The following RALYL variants were observed in gnomAD, a reference collection of about 807,000 sequenced individuals.
RALYL encodes the protein RALY RNA binding protein like.
RALYL carries 29 observed loss-of-function variants against 35.1 expected under a neutral mutation model. The observed-to-expected ratio is 0.83, with a 90% CI of 0.61 to 1.13. The LOEUF is 1.13. Ranked by LOEUF, RALYL falls within the 50% of genes most tolerant of loss-of-function variation. The pLI is 0.00. For missense variants in RALYL, 359 were observed against 360.4 expected (o/e 1.00, Z 0.03); for synonymous variants, 120 against 127.6 (o/e 0.94, Z 0.40).
chr8:84,808,876 A>G (rs369789481), intron 4 of RALYL, among the ~76,000 whole-genome samples: 1 of 152,150 alleles, frequency 6.6e-6, no homozygotes, highest in Admixed American at 6.5e-5. Context: ...ACTTTGCTGA[A>G]TTCTTTTATC....
At chr8:84,736,849 G>A (rs964309350) in intron 2 of RALYL, among the ~76,000 whole-genome samples, 2 of 151,920 alleles carry the variant, frequency 1.3e-5, no homozygotes, top group African/African-American at 2.4e-5. Flanking sequence ...TAGATATTAT[G>A]TTACCCCTTC....
At chr8:84,254,372 T>C (rs906524020) in intron 1 of RALYL, among the ~76,000 whole-genome samples, 1 of 152,120 alleles carries the variant, frequency 6.6e-6, no homozygotes, top group East Asian at 1.9e-4. Context: ...CCTCAAATAA[T>C]GTAGTCAGAG....
At chr8:84,704,491 A>T (rs530442808) in intron 2 of RALYL, among the ~76,000 whole-genome samples, 60 of 149,774 alleles carry the variant, frequency 4.0e-4, no homozygotes, top group African/African-American at 1.4e-3. Flanking sequence ...ACAACAACTC[A>T]TTTATTCCAC....
chr8:84,406,772 T>C (rs17723269), intron 1 of RALYL, among the ~76,000 whole-genome samples: 2,066 of 152,122 alleles, frequency 0.014, 17 homozygotes, highest in Middle Eastern at 0.034. Context: ...TTAAGGAACC[T>C]CATGCATTCA....
At chr8:84,897,087 CTATT>C (rs1305775702) in intron 8 of RALYL, among the ~76,000 whole-genome samples, 1 of 152,182 alleles carries the variant, frequency 6.6e-6, no homozygotes, top group Admixed American at 6.5e-5. Context: ...CTTGAACAAA[CTATT>C]TAACTTCTTT....
Position 84,333,826 on chromosome 8 carries a change from T to A in RALYL, c.-24+149402T>A, listed in dbSNP as rs185824298. Among the ~76,000 whole-genome samples, 1,262 of 152,222 alleles carry A rather than the reference T, an allele frequency of 8.3e-3. 22 individuals are homozygous for A. Among genetic ancestry groups the A allele is most frequent in the African/African-American group, 0.029 (1,211 of 41,532 alleles). On this transcript the variant is annotated intron_variant, in intron 1 of 8. Transcript: ENST00000521268. ...TACCTCAATAGTAAATTAATTAATT[T>A]ATTTATTTTAGAATTTGAACAGCAG...
chr8:84,185,288 CTT>C (rs1053003901), intron 1 of RALYL: 4 of 506,090 alleles, frequency 7.9e-6, no homozygotes, highest in Non-Finnish European at 1.4e-5. Flanking sequence ...AGTTTTCCCT[CTT>C]TTTAACCACC....
chr8:84,429,334 C>T (rs1169641366), intron 1 of RALYL, among the ~76,000 whole-genome samples: 1 of 152,094 alleles, frequency 6.6e-6, no homozygotes, highest in African/African-American at 2.4e-5. Flanking sequence ...CAATGAAGAA[C>T]TGGTTTAGTG....
chr8:84,302,705 G>A (rs534302145), intron 1 of RALYL, among the ~76,000 whole-genome samples: 100 of 152,258 alleles, frequency 6.6e-4, no homozygotes, highest in African/African-American at 2.1e-3. Flanking sequence ...AGATACCTGC[G>A]CAGCATTTTG....
intron 1 of RALYL, among the ~76,000 whole-genome samples, chr8:84,372,273 G>T (rs1022993647): frequency 6.6e-6 from 1 of 152,002 alleles, no homozygotes; most frequent in South Asian, 2.1e-4. Flanking sequence ...AGAAAAAAGG[G>T]CAGGTATTTG....
intron 1 of RALYL, among the ~76,000 whole-genome samples, chr8:84,237,767 C>G (rs1826911920): frequency 6.6e-6 from 1 of 151,912 alleles, no homozygotes; most frequent in Non-Finnish European, 1.5e-5. Context: ...ACCCACAACT[C>G]AGAAGAAATA....
At chr8:84,626,357 T>C (rs1037801531) in intron 2 of RALYL, among the ~76,000 whole-genome samples, 2 of 152,212 alleles carry the variant, frequency 1.3e-5, no homozygotes. Context: ...AAATTCTGAA[T>C]GTCTAAAGAC....
chr8:84,307,890 A>G lies in RALYL; in HGVS notation c.-24+123466A>G, dbSNP rs531906030. Among the ~76,000 whole-genome samples, 4 of 152,336 alleles carry G rather than the reference A, an allele frequency of 2.6e-5. No homozygotes were observed. The East Asian group carries it at 5.8e-4, about 22-fold the overall frequency. On this transcript the variant is annotated intron_variant, in intron 1 of 8. Coordinates refer to ENST00000521268, the MANE Select transcript of RALYL (RefSeq NM_173848.7). Reference sequence around the variant, plus strand: ...CACAAAAAAAGGGCTCAGATAAATAAGGAATGTTCACCAAAGCTGTAATTT... The same window carrying G: ...CACAAAAAAAGGGCTCAGATAAATAGGGAATGTTCACCAAAGCTGTAATTT...
Position 84,521,419 on chromosome 8 carries a change from A to AGTTCCATTGGTTATTT in RALYL, c.-23-7863_-23-7848dup, listed in dbSNP as rs559125351. Among the ~76,000 whole-genome samples, 12 of 152,362 alleles carry AGTTCCATTGGTTATTT rather than the reference A, an allele frequency of 7.9e-5. No homozygotes were observed. The East Asian group carries it at 2.3e-3, about 29-fold the overall frequency. ...AGACTAATACATCAACATAGAAAGG[A>AGTTCCATTGGTTATTT]GTTCCATTGGTTATTTGTTCCATTG... On this transcript the variant is annotated intron_variant, in intron 1 of 8. Coordinates refer to ENST00000521268, the MANE Select transcript of RALYL (RefSeq NM_173848.7).
chr8:84,728,906 C>T (rs181823139), intron 2 of RALYL, among the ~76,000 whole-genome samples: 193 of 152,200 alleles, frequency 1.3e-3, no homozygotes, highest in African/African-American at 4.3e-3. Context: ...AGTCAGGTAG[C>T]GTGATGCCTC....
chr8:84,281,494 GTCCTCTCTTGAGCA>G lies in RALYL; in HGVS notation c.-24+97072_-24+97085del, dbSNP rs547413511. Among the ~76,000 whole-genome samples, 1,176 of 152,134 alleles carry G rather than the reference GTCCTCTCTTGAGCA, an allele frequency of 7.7e-3. 19 individuals carry two copies. The highest frequency in any genetic ancestry group is 0.027 in the African/African-American group (1,131 of 41,522). On this transcript the variant is annotated intron_variant, in intron 1 of 8. Coordinates refer to ENST00000521268, the MANE Select transcript of RALYL (RefSeq NM_173848.7). ...GAAGCTAAATATAACTACACAGAGT[GTCCTCTCTTGAGCA>G]TATGGCACTGTTCATTCACCTGACT...
At chr8:84,295,884 T>G (rs1017149070) in intron 1 of RALYL, among the ~76,000 whole-genome samples, 9 of 152,142 alleles carry the variant, frequency 5.9e-5, no homozygotes, top group Admixed American at 5.2e-4. Context: ...TTGCATTATT[T>G]GGAACTTGAA....
intron 1 of RALYL, among the ~76,000 whole-genome samples, chr8:84,372,339 A>G (rs1333473371): frequency 6.6e-6 from 1 of 152,048 alleles, no homozygotes; most frequent in Non-Finnish European, 1.5e-5. Context: ...TCAGCCAATC[A>G]AAAGCGTTCT....
At chr8:84,335,490 T>C (rs780886458) in intron 1 of RALYL, among the ~76,000 whole-genome samples, 3 of 152,090 alleles carry the variant, frequency 2.0e-5, no homozygotes, top group African/African-American at 4.8e-5. Flanking sequence ...CTTAGAATCT[T>C]TGGGGACTAT....
Sources: gnomAD v4.1 joint callset for allele counts (sites outside exome capture counted in the v4.1 genomes callset) on GRCh38, gnomAD v4.1.1 for gene constraint, MANE v1.5 for transcripts, NCBI Gene and HGNC (gene_info 2026-07-23, HGNC 2026-07-21) for gene names.